Variants in NOTCH2 observed in about 807,000 individuals in gnomAD.
NOTCH2 encodes the protein neurogenic locus notch homolog protein 2.
In NOTCH2, 29 loss-of-function variants were observed where a neutral mutation model predicts 235.8. That is an observed-to-expected ratio of 0.12 (90% CI 0.09 to 0.17). The LOEUF (loss-of-function observed/expected upper bound fraction) is 0.17, where lower values mean the gene tolerates loss of function less well. Ranked by LOEUF, NOTCH2 falls within the 10% of genes least tolerant of loss-of-function variation. NOTCH2 has a pLI of 1.00. For missense variants in NOTCH2, 2,285 were observed against 3,150.2 expected (o/e 0.73, Z 6.57); for synonymous variants, 1,086 against 1,141.5 (o/e 0.95, Z 0.98).
At chr1:119,983,416 G>A (rs1192818273) in intron 5 of NOTCH2, among the ~76,000 whole-genome samples, 1 of 152,112 alleles carries the variant, frequency 6.6e-6, no homozygotes, top group Non-Finnish European at 1.5e-5. Context: ...GTTTCCCAAA[G>A]TGCTGGGATT....
rs371068890 is a variant in NOTCH2, at chr1:119,922,412, G to C, written c.5037C>G (p.Leu1679=). ...TGACAACAGCAACAGCAAGGAGATAGAGGAGCTGAGTGCGTTCTGGAGTCA... is the reference window on the plus strand; with the variant it reads ...TGACAACAGCAACAGCAAGGAGATACAGGAGCTGAGTGCGTTCTGGAGTCA... The part of the protein sequence containing the change: ...ESLTPERTQL[L]YLLAVAVVII... The change falls in exon 28 of 34, where the codon CTC becomes CTG. Residue 1679 remains leucine (L), a synonymous_variant. Transcript: ENST00000256646. The C allele has an allele frequency of 1.8e-5, 29 of 1,613,784 alleles. No individual in the cohort carries two copies. Among genetic ancestry groups the C allele is most frequent in the Non-Finnish European group, 2.5e-5 (29 of 1,179,920 alleles).
chr1:119,955,093 G>A lies in NOTCH2; in HGVS notation c.2166C>T (p.Asn722=), dbSNP rs1046818561. Residue 722 remains asparagine (N), a synonymous_variant, in exon 13 of 34, where the codon AAC becomes AAT. Coordinates refer to ENST00000256646, the MANE Select transcript of NOTCH2 (RefSeq NM_024408.4). ...PHHPSCYSQV[N]ECLSNPCIHG... Reference sequence around the variant, plus strand: ...GGATGCAGGGATTGCTCAGGCATTCGTTCACCTGTGAGTAGCAGCTGGGGT... The same window carrying A: ...GGATGCAGGGATTGCTCAGGCATTCATTCACCTGTGAGTAGCAGCTGGGGT... 13 of 1,613,932 alleles carry A rather than the reference G, an allele frequency of 8.1e-6. No individual in the cohort carries two copies. Among genetic ancestry groups the A allele is most frequent in the African/African-American group, 1.3e-5 (1 of 74,906 alleles).
chr1:119,957,536 C>T (rs1650751102), intron 12 of NOTCH2, among the ~76,000 whole-genome samples: 1 of 151,926 alleles, frequency 6.6e-6, no homozygotes, highest in Non-Finnish European at 1.5e-5. Context: ...AATAAAACTC[C>T]TCACATTTAC....
rs782377781 is a variant in NOTCH2, at chr1:119,965,542, A to G, written c.1592T>C (p.Ile531Thr). Residue 531 changes from isoleucine to threonine, a missense_variant, in exon 10 of 34, where the codon ATT becomes ACT. Physicochemically the swap from Ile to Thr is moderately conservative, Grantham distance 89. This residue lies in a region of NOTCH2 where 431 missense variants were observed against 757.8 expected (regional missense o/e 0.57). Coordinates refer to ENST00000256646, the MANE Select transcript of NOTCH2 (RefSeq NM_024408.4). ...AGTACTGGAACAGTCATCAATATCA[A>G]TCTGGCAAACTGGCCCAGTGAAACC... ...PPGFTGPVCQ[I>T]DIDDCSSTPC... The G allele has an allele frequency of 6.2e-7, 1 of 1,613,968 alleles. No homozygotes were observed. Among genetic ancestry groups the G allele is most frequent in the Non-Finnish European group, 8.5e-7 (1 of 1,179,846 alleles).
chr1:119,949,029 G>C lies in NOTCH2; in HGVS notation c.2577C>G (p.Cys859Trp). 1.2e-6 allele frequency: 2 copies of C among 1,614,212 alleles called. No homozygotes were observed. Reference protein sequence around the residue: ...KESPNFESYTCLCAPGWQGQR... With the variant: ...KESPNFESYTWLCAPGWQGQR... ...TACCTTGCCAGCCAGGAGCACACAA[G>C]CAAGTATAACTCTCAAAATTTGGTG... is the stretch of plus-strand genomic sequence containing the variant. Residue 859 changes from cysteine to tryptophan, a missense_variant, in exon 16 of 34, where the codon TGC becomes TGG. By Grantham distance (215) the Cys-to-Trp change is radical. Around this residue, in one of 6 missense-constraint regions of NOTCH2, gnomAD observed 1,173 missense variants for 1,515.3 expected, o/e 0.77. Transcript: ENST00000256646.
Position 119,966,357 on chromosome 1 carries a change from C to T in NOTCH2, c.1567+19G>A, listed in dbSNP as rs1553199661. ...CTTTGTGCTTTAAGAGAAAACAGGGCCAGGTCGTGGGCACTTACCAGGAGG... is the reference window on the plus strand; with the variant it reads ...CTTTGTGCTTTAAGAGAAAACAGGGTCAGGTCGTGGGCACTTACCAGGAGG... On this transcript the variant is annotated intron_variant, in intron 9 of 33. Coordinates refer to ENST00000256646, the MANE Select transcript of NOTCH2 (RefSeq NM_024408.4). The T allele has an allele frequency of 7.7e-6, 12 of 1,553,300 alleles. No homozygotes were observed. The South Asian group carries it at 1.1e-4, about 14-fold the overall frequency.
chr1:119,915,550 CTG>C lies in NOTCH2; in HGVS notation c.7170_7171del (p.His2390GlnfsTer9). ...CTCAGCAGCATTTGAGGAAGCATAA[CTG>C]TGCTGTGAAGGGGGTGTGGGGTACT... On this transcript the variant is annotated frameshift_variant, in exon 34 of 34. Transcript: ENST00000256646. LOFTEE classifies it high-confidence loss of function. 1 of 1,614,074 alleles carries C rather than the reference CTG, an allele frequency of 6.2e-7. No individual in the cohort carries two copies. The highest frequency in any genetic ancestry group is 8.5e-7 in the Non-Finnish European group (1 of 1,180,034).
At chr1:119,998,890 C>T (rs1215371933) in intron 3 of NOTCH2, among the ~76,000 whole-genome samples, 2 of 136,848 alleles carry the variant, frequency 1.5e-5, no homozygotes, top group East Asian at 4.1e-4. Context: ...CTTCCTGTGT[C>T]CAAGTGTTCT....
In NOTCH2 at chr1:119,934,981, C is replaced by T. The variant is rs1171551259; in HGVS notation, c.3655+491G>A. 9 of 477,990 alleles carry T rather than the reference C, an allele frequency of 1.9e-5. No individual in the cohort carries two copies. In the African/African-American group the frequency reaches 1.9e-4, roughly 10 times the overall value. 29.6% of individuals were successfully genotyped at this position (477,990 alleles called of 1,614,324 possible). On this transcript the variant is annotated intron_variant, in intron 22 of 33. Transcript: ENST00000256646. ...TTGCATCTCTCATCAGGCCTTACTG[C>T]ATCCTAAGGTAGAACCTTACACCAT...
In NOTCH2 at chr1:119,987,018, T is replaced by C. The variant is rs1652046526; in HGVS notation, c.816A>G (p.Gly272=). 3 of 1,613,708 alleles carry C rather than the reference T, an allele frequency of 1.9e-6. No homozygotes were observed. Among genetic ancestry groups the C allele is most frequent in the Non-Finnish European group, 2.5e-6 (3 of 1,179,726 alleles). ...TGTTGACCCCATCCACACAAACCCC[T>C]CCATTCTGACACCTGTGGTTAGGGC... ...DDCPNHRCQN[G]GVCVDGVNTY... is the part of the protein sequence containing the mutation. The change falls in exon 5 of 34, where the codon GGA becomes GGG. Residue 272 remains glycine (G), a synonymous_variant. Coordinates refer to ENST00000256646, the MANE Select transcript of NOTCH2 (RefSeq NM_024408.4).
In NOTCH2 at chr1:119,915,563, G is replaced by T. The variant is rs1193431892; in HGVS notation, c.7159C>A (p.Pro2387Thr). Residue 2387 changes from proline to threonine, a missense_variant, in exon 34 of 34, where the codon CCT becomes ACT. By Grantham distance (38) the Pro-to-Thr change is conservative. Around this residue, in one of 6 missense-constraint regions of NOTCH2, gnomAD observed 504 missense variants for 538.0 expected, o/e 0.94. Coordinates refer to ENST00000256646, the MANE Select transcript of NOTCH2 (RefSeq NM_024408.4). Reference sequence around the variant, plus strand: ...GAGGAAGCATAACTGTGCTGTGAAGGGGGTGTGGGGTACTTGCCCACAGAG... The same window carrying T: ...GAGGAAGCATAACTGTGCTGTGAAGTGGGTGTGGGGTACTTGCCCACAGAG... ...PASVGKYPTP[P>T]SQHSYASSNA... 3 of 1,614,086 alleles carry T rather than the reference G, an allele frequency of 1.9e-6. No individual in the cohort carries two copies. Among genetic ancestry groups the T allele is most frequent in the Non-Finnish European group, 2.5e-6 (3 of 1,180,042 alleles).
At chr1:120,014,392 T>C (rs1553207545) in intron 2 of NOTCH2, among the ~76,000 whole-genome samples, 1 of 152,188 alleles carries the variant, frequency 6.6e-6, no homozygotes, top group African/African-American at 2.4e-5. Context: ...GGCAACATGG[T>C]GAGAACCCCA....
At chr1:119,979,000 G>T (rs893063019) in intron 5 of NOTCH2, among the ~76,000 whole-genome samples, 15 of 152,282 alleles carry the variant, frequency 9.9e-5, no homozygotes, top group African/African-American at 3.1e-4. Context: ...TCACTTACAG[G>T]AGCTAATACA....
At chr1:119,951,903 G>T (rs1163795774) in intron 14 of NOTCH2, among the ~76,000 whole-genome samples, 1 of 152,190 alleles carries the variant, frequency 6.6e-6, no homozygotes, top group Admixed American at 6.5e-5. Context: ...AGTCTCAGAA[G>T]ATAAAGAAAT....
intron 17 of NOTCH2, among the ~76,000 whole-genome samples, chr1:119,943,423 A>C (rs1650136264): frequency 6.6e-6 from 1 of 152,096 alleles, no homozygotes; most frequent in Non-Finnish European, 1.5e-5. Flanking sequence ...ATTCAATAAG[A>C]ATGAAAAAAA....
chr1:119,965,227 G>A (rs1553199510), intron 10 of NOTCH2, among the ~76,000 whole-genome samples: 1 of 152,216 alleles, frequency 6.6e-6, no homozygotes, highest in African/African-American at 2.4e-5. Context: ...AGAAAGACAT[G>A]GATACCAAAT....
chr1:119,959,774 G>A lies in NOTCH2; in HGVS notation c.1916-272C>T, dbSNP rs587685740. ...GGTGCAGAGGCAATGGGGTGAAACC[G>A]ATCACATCAGCATGAATCAAGGCAG... On this transcript the variant is annotated intron_variant, in intron 11 of 33. Coordinates refer to ENST00000256646, the MANE Select transcript of NOTCH2 (RefSeq NM_024408.4). 3.9e-5 allele frequency among the ~76,000 whole-genome samples: 6 copies of A among 152,250 alleles called. No homozygotes were observed. The South Asian group carries it at 8.3e-4, about 21-fold the overall frequency.
chr1:120,004,728 G>C (rs1474524369), intron 3 of NOTCH2, among the ~76,000 whole-genome samples: 1 of 152,168 alleles, frequency 6.6e-6, no homozygotes, highest in African/African-American at 2.4e-5. Context: ...TGGTGACAGT[G>C]TACTTATTTC....
Position 119,987,014 on chromosome 1 carries a change from C to T in NOTCH2, c.820G>A (p.Val274Ile), listed in dbSNP as rs1553202300. 3 of 1,613,780 alleles carry T rather than the reference C, an allele frequency of 1.9e-6. No individual in the cohort carries two copies. The highest frequency in any genetic ancestry group is 1.1e-5 in the South Asian group (1 of 91,080). The change falls in exon 5 of 34, where the codon GTT becomes ATT. Residue 274 changes from valine to isoleucine, a missense_variant. Physicochemically the swap from Val to Ile is conservative, Grantham distance 29 (BLOSUM62 3). Coordinates refer to ENST00000256646, the MANE Select transcript of NOTCH2 (RefSeq NM_024408.4). Reference protein sequence around the residue: ...CPNHRCQNGGVCVDGVNTYNC... With the variant: ...CPNHRCQNGGICVDGVNTYNC... Reference sequence around the variant, plus strand: ...TAAGTGTTGACCCCATCCACACAAACCCCTCCATTCTGACACCTGTGGTTA... The same window carrying T: ...TAAGTGTTGACCCCATCCACACAAATCCCTCCATTCTGACACCTGTGGTTA...
Sources: allele counts gnomAD v4.1 joint callset (sites outside exome capture counted in the v4.1 genomes callset), GRCh38; gene constraint gnomAD v4.1.1; regional missense constraint gnomAD v4.1.1; transcripts MANE v1.5; gene names NCBI Gene and HGNC (gene_info 2026-07-23, HGNC 2026-07-21).